The following PCAT7 variants were observed in gnomAD, a reference collection of about 807,000 sequenced individuals.
The protein encoded by PCAT7 is prostate cancer associated transcript 7.
chr9:94,564,658 G>A (rs10821369), intron 2 of PCAT7, among the ~76,000 whole-genome samples: 2 of 151,890 alleles, frequency 1.3e-5, no homozygotes, highest in South Asian at 2.1e-4. Flanking sequence ...TGGGGCCTAC[G>A]TGAGGGTGGA....
At chr9:94,563,125 A>G (rs1827133732) in intron 2 of PCAT7, among the ~76,000 whole-genome samples, 1 of 152,184 alleles carries the variant, frequency 6.6e-6, no homozygotes, top group Non-Finnish European at 1.5e-5. Flanking sequence ...GACCAGTGAG[A>G]ATCACCAGTC....
chr9:94,569,643 T>C (rs1209976992), intron 2 of PCAT7: 1 of 152,196 alleles, frequency 6.6e-6, no homozygotes, highest in Admixed American at 6.5e-5. Flanking sequence ...CAACGGCTGA[T>C]TTTTAATATG....
intron 2 of PCAT7, chr9:94,570,625 GCTT>G (rs1564183104): frequency 6.6e-6 from 1 of 152,224 alleles, no homozygotes; most frequent in African/African-American, 2.4e-5. Context: ...GGGTTTGCCA[GCTT>G]CTTTGAACAT....
chr9:94,561,395 C>T (rs1242927499), intron 2 of PCAT7, among the ~76,000 whole-genome samples: 1 of 111,414 alleles, frequency 9.0e-6, no homozygotes, highest in Non-Finnish European at 1.7e-5. Flanking sequence ...TGGAATCTCA[C>T]TCTGTCACCC....
At chr9:94,560,492 G>A (rs1223247374) in intron 2 of PCAT7, among the ~76,000 whole-genome samples, 2 of 152,094 alleles carry the variant, frequency 1.3e-5, no homozygotes, top group Non-Finnish European at 2.9e-5. Context: ...GCATGACTCA[G>A]TATCATCTTC....
chr9:94,555,619 G>T (rs765339594), intron 1 of PCAT7, among the ~76,000 whole-genome samples: 2 of 150,932 alleles, frequency 1.3e-5, no homozygotes, highest in Non-Finnish European at 3.0e-5. Context: ...GGGAGAGAAG[G>T]TTTTGTGAAA....
chr9:94,561,032 G>A (rs1171779907), intron 2 of PCAT7, among the ~76,000 whole-genome samples: 1 of 152,048 alleles, frequency 6.6e-6, no homozygotes, highest in Non-Finnish European at 1.5e-5. Flanking sequence ...CCCACAGGAG[G>A]GACACTGGAG....
At chr9:94,574,223 C>A (rs1335835584) in intron 3 of PCAT7, among the ~76,000 whole-genome samples, 1 of 152,108 alleles carries the variant, frequency 6.6e-6, no homozygotes, top group Non-Finnish European at 1.5e-5. Context: ...GGGTAAAAAT[C>A]TTTTGATACA....
At chr9:94,558,630 A>G in intron 1 of PCAT7, 1 of 347,300 alleles carries the variant, frequency 2.9e-6, no homozygotes, top group Non-Finnish European at 5.4e-6. Flanking sequence ...CTTTGCCCAC[A>G]AGCATGCAGC....
At chr9:94,559,393 C>T (rs1294490476) in intron 2 of PCAT7, among the ~76,000 whole-genome samples, 1 of 152,188 alleles carries the variant, frequency 6.6e-6, no homozygotes, top group Admixed American at 6.5e-5. Context: ...GATCCTTGTG[C>T]TTATGAGAGA....
chr9:94,563,578 C>A (rs1827142035), intron 2 of PCAT7: 3 of 1,101,256 alleles, frequency 2.7e-6, no homozygotes, highest in Non-Finnish European at 4.0e-6. Flanking sequence ...CTATCCTCCA[C>A]CCACTAGTGT....
At chr9:94,563,439 G>GC (rs1827139020) in intron 2 of PCAT7, 1 of 1,613,832 alleles carries the variant, frequency 6.2e-7, no homozygotes, top group South Asian at 1.1e-5. Context: ...CACATACCTG[G>GC]CCCCATAGGG....
intron 2 of PCAT7, chr9:94,567,425 G>T: frequency 6.2e-7 from 1 of 1,610,936 alleles, no homozygotes; most frequent in Non-Finnish European, 8.5e-7. Flanking sequence ...CATGAAGAGA[G>T]ATGCCAGGAA....
intron 2 of PCAT7, chr9:94,567,213 A>G (rs1827202192): frequency 6.3e-7 from 1 of 1,598,942 alleles, no homozygotes; most frequent in African/African-American, 1.3e-5. Flanking sequence ...CACCACCCAA[A>G]CAGGACCCCA....
chr9:94,567,899 T>C (rs612153), intron 2 of PCAT7: 73,778 of 152,730 alleles, frequency 0.48, 18,379 homozygotes, highest in East Asian at 0.6. Flanking sequence ...GAGGCCGAGG[T>C]GGGTGGATCA....
At chr9:94,560,072 C>T (rs1470954930) in intron 2 of PCAT7, among the ~76,000 whole-genome samples, 1 of 152,222 alleles carries the variant, frequency 6.6e-6, no homozygotes, top group Non-Finnish European at 1.5e-5. Context: ...CTGCGGTGAG[C>T]TGTGATCATG....
chr9:94,562,991 C>A (rs1193417726), intron 2 of PCAT7, among the ~76,000 whole-genome samples: 1 of 152,204 alleles, frequency 6.6e-6, no homozygotes, highest in East Asian at 1.9e-4. Context: ...TTTTATTAGG[C>A]TCCCTATAGG....
rs1458769899 is a variant in PCAT7, at chr9:94,558,678, T to C, written n.258-291T>C. On this transcript the variant is annotated intron_variant and non_coding_transcript_variant, in intron 1 of 8. Transcript: ENST00000647389. The stretch of plus-strand genomic sequence containing the variant: ...GGGTTGACAGACGGAATTATAACCA[T>C]ATTTGCCACTGTTTCTGACAGAAGA... The C allele has an allele frequency of 6.4e-5, 27 of 425,108 alleles. No individual in the cohort carries two copies. The East Asian group carries it at 1.5e-3, about 23-fold the overall frequency. The allele number at this position is 425,108 out of a possible 1,614,324, so 26.3% of individuals were successfully genotyped here.
chr9:94,563,562 G>T, intron 2 of PCAT7: 1 of 1,317,308 alleles, frequency 7.6e-7, no homozygotes, highest in South Asian at 1.4e-5. Flanking sequence ...CTGCCTTCTT[G>T]AATCCCTATC....
Sources: allele counts gnomAD v4.1 joint callset (sites outside exome capture counted in the v4.1 genomes callset), GRCh38; gene constraint gnomAD v4.1.1; transcripts MANE v1.5; gene names NCBI Gene and HGNC (gene_info 2026-07-23, HGNC 2026-07-21).